Variants in BNIP2 observed in about 807,000 individuals in gnomAD.
BNIP2 encodes BCL2 interacting protein 2.
In BNIP2, 36 loss-of-function variants were observed where a neutral mutation model predicts 43.4. The observed-to-expected ratio is 0.83, with a 90% CI of 0.64 to 1.10. The LOEUF (loss-of-function observed/expected upper bound fraction) is 1.10. BNIP2 is among the 50% of genes least tolerant of loss of function. BNIP2 has a pLI of 0.00. For missense variants in BNIP2, 417 were observed against 374.1 expected (o/e 1.11, Z -0.95); for synonymous variants, 146 against 121.0 (o/e 1.21, Z -1.35).
At chr15:59,664,323 T>C (rs1351840876) in intron 9 of BNIP2, among the ~76,000 whole-genome samples, 1 of 152,154 alleles carries the variant, frequency 6.6e-6, no homozygotes, top group African/African-American at 2.4e-5. Context: ...TGGCAAGAAA[T>C]GTGACCGTTG....
chr15:59,671,069 G>A lies in BNIP2; in HGVS notation c.707+114C>T, dbSNP rs572858871. On this transcript the variant is annotated intron_variant, in intron 7 of 9. Transcript: ENST00000607373. ...GCCTGGGCAACAAGAGTGAAACTCC[G>A]TCTCAAAAAAAAAAAAAGTTAAAAA... The A allele has an allele frequency of 1.1e-4, 100 of 933,670 alleles. No homozygotes were observed. In the African/African-American group the frequency reaches 1.8e-3, roughly 16 times the overall value. The allele number at this position is 933,670 out of a possible 1,614,324, so 57.8% of individuals were successfully genotyped here. A position where few individuals can be genotyped will look rare whatever the true frequency, so the allele number is the denominator to read the frequency against.
intron 5 of BNIP2, chr15:59,676,801 G>A: frequency 6.6e-7 from 1 of 1,522,602 alleles, no homozygotes; most frequent in Non-Finnish European, 8.9e-7. Context: ...GTGGCCGCCT[G>A]GCCCTGCAGC....
chr15:59,668,135 A>G (rs1213459572), intron 9 of BNIP2: 1 of 1,288,148 alleles, frequency 7.8e-7, no homozygotes, highest in South Asian at 1.2e-5. Flanking sequence ...TTTCTTCTTC[A>G]TACCTTTGTA....
At chr15:59,670,104 CAAAG>C (rs1210618964) in intron 7 of BNIP2, among the ~76,000 whole-genome samples, 1 of 152,060 alleles carries the variant, frequency 6.6e-6, no homozygotes, top group Non-Finnish European at 1.5e-5. Context: ...AAGCTTGTTC[CAAAG>C]AAAGATTACA....
At chr15:59,667,670 T>G (rs1168511641) in intron 9 of BNIP2, among the ~76,000 whole-genome samples, 2 of 152,226 alleles carry the variant, frequency 1.3e-5, no homozygotes, top group Admixed American at 1.3e-4. Context: ...ATATATGCAT[T>G]GCAAATATAA....
intron 2 of BNIP2, among the ~76,000 whole-genome samples, chr15:59,681,386 T>C (rs894725649): frequency 1.3e-5 from 2 of 151,602 alleles, no homozygotes; most frequent in African/African-American, 4.8e-5. Context: ...CCAGATAAGC[T>C]AGAAAATCCT....
Position 59,682,523 on chromosome 15 carries a change from A to T in BNIP2, c.-57-9T>A. The T allele has an allele frequency of 6.3e-7, 1 of 1,587,260 alleles. No homozygotes were observed. Among genetic ancestry groups the T allele is most frequent in the Non-Finnish European group, 8.6e-7 (1 of 1,168,456 alleles). On this transcript the variant is annotated splice_polypyrimidine_tract_variant and intron_variant, in intron 1 of 9. Transcript: ENST00000607373. The stretch of plus-strand genomic sequence containing the variant: ...TCCAGGGAGCCAATGTCCTATGAAG[A>T]GAGAAAAATGTATAACTTAATTTCC...
At chr15:59,685,218 G>A (rs1360670499) in intron 1 of BNIP2, among the ~76,000 whole-genome samples, 1 of 152,196 alleles carries the variant, frequency 6.6e-6, no homozygotes, top group Non-Finnish European at 1.5e-5. Flanking sequence ...AGCTCCTTGA[G>A]GCCGGACGTG....
chr15:59,659,833 A>T lies in BNIP2; in HGVS notation c.*4236T>A, dbSNP rs1892157680. ...GTGAATTTTTCATAGCATTTTACTT[A>T]GTTCTCAAAACATAAATAGGTCTAT... is the stretch of plus-strand genomic sequence containing the variant. On this transcript the variant is annotated 3_prime_UTR_variant, in exon 10 of 10. Coordinates refer to ENST00000607373, the MANE Select transcript of BNIP2 (RefSeq NM_004330.4). 6.6e-6 allele frequency: 1 copy of T among 152,196 alleles called. No homozygotes were observed. The highest frequency in any genetic ancestry group is 6.5e-5 in the Admixed American group (1 of 15,282). The allele number at this position is 152,196 out of a possible 1,614,324, so 9.4% of individuals were successfully genotyped here. A position where few individuals can be genotyped will look rare whatever the true frequency, so the allele number is the denominator to read the frequency against.
chr15:59,689,297 G>A lies in BNIP2; in HGVS notation c.-220C>T. On this transcript the variant is annotated 5_prime_UTR_variant, in exon 1 of 10. Coordinates refer to ENST00000607373, the MANE Select transcript of BNIP2 (RefSeq NM_004330.4). ...CCGGCCGCAGCGGTACGGCGTCGGCGGCAGCAGCTGACCCGGACACAGTGA... is the reference window on the plus strand; with the variant it reads ...CCGGCCGCAGCGGTACGGCGTCGGCAGCAGCAGCTGACCCGGACACAGTGA... 6.5e-7 allele frequency: 1 copy of A among 1,546,438 alleles called. No individual in the cohort carries two copies. The highest frequency in any genetic ancestry group is 8.7e-7 in the Non-Finnish European group (1 of 1,145,758).
intron 7 of BNIP2, 138 bp from the exon 8 acceptor site, chr15:59,669,500 C>G (rs1892772650): frequency 1.8e-6 from 1 of 542,810 alleles, no homozygotes; most frequent in Admixed American, 3.8e-5. Context: ...CCCCTGTAGA[C>G]AAGAAAATGC....
intron 1 of BNIP2, among the ~76,000 whole-genome samples, chr15:59,685,415 C>T (rs1428000384): frequency 2.6e-5 from 4 of 152,118 alleles, no homozygotes; most frequent in East Asian, 1.9e-4. Context: ...GCAGGAGAAT[C>T]GCTGGAACCC....
chr15:59,681,831 AC>A (rs370409095), intron 2 of BNIP2, among the ~76,000 whole-genome samples: 16 of 152,204 alleles, frequency 1.1e-4, no homozygotes, highest in African/African-American at 3.9e-4. Context: ...GAAAACAAAA[AC>A]AAAACAAAAC....
At chr15:59,674,021 C>T (rs756674354) in intron 5 of BNIP2, among the ~76,000 whole-genome samples, 24 of 143,108 alleles carry the variant, frequency 1.7e-4, no homozygotes, top group Non-Finnish European at 3.1e-4. Context: ...ACCTGGGAGG[C>T]GGAGGTTGCA....
chr15:59,666,349 G>A (rs1050684601), intron 9 of BNIP2, among the ~76,000 whole-genome samples: 3 of 152,248 alleles, frequency 2.0e-5, no homozygotes, highest in Non-Finnish European at 4.4e-5. Flanking sequence ...CCTTAAATAA[G>A]CTCCCTTGCA....
At chr15:59,683,522 G>C (rs1247240099) in intron 1 of BNIP2, among the ~76,000 whole-genome samples, 2 of 152,140 alleles carry the variant, frequency 1.3e-5, no homozygotes, top group East Asian at 1.9e-4. Context: ...AAAGTTAAAA[G>C]TCGTTGACAC....
At chr15:59,664,531 G>A (rs6151581) in intron 9 of BNIP2, among the ~76,000 whole-genome samples, 99,532 of 151,548 alleles carry the variant, frequency 0.66, 33,045 homozygotes, top group African/African-American at 0.74. Flanking sequence ...ACAGGCGCCC[G>A]CCACCATGCC....
At chr15:59,672,110 T>A (rs1284100392) in intron 6 of BNIP2, 1 of 152,204 alleles carries the variant, frequency 6.6e-6, no homozygotes, top group Non-Finnish European at 1.5e-5. Context: ...ACAAATAATC[T>A]GAGATATATT....
Position 59,671,072 on chromosome 15 carries a change from T to TC in BNIP2, c.707+110dup. ...TGGGCAACAAGAGTGAAACTCCGTC[T>TC]CAAAAAAAAAAAAAGTTAAAAAAAA... On this transcript the variant is annotated intron_variant, in intron 7 of 9. Coordinates refer to ENST00000607373, the MANE Select transcript of BNIP2 (RefSeq NM_004330.4). The TC allele has an allele frequency of 2.5e-5, 18 of 713,878 alleles. No individual in the cohort carries two copies. The South Asian group carries it at 3.4e-4, about 14-fold the overall frequency. The allele number at this position is 713,878 out of a possible 1,614,324, so 44.2% of individuals were successfully genotyped here. A position where few individuals can be genotyped will look rare whatever the true frequency, so the allele number is the denominator to read the frequency against.
Sources: allele counts gnomAD v4.1 joint callset (sites outside exome capture counted in the v4.1 genomes callset), GRCh38; gene constraint gnomAD v4.1.1; transcripts MANE v1.5; gene names NCBI Gene and HGNC (gene_info 2026-07-23, HGNC 2026-07-21).